SDR9C7: variants seen among roughly 807,000 people sequenced by gnomAD.
SDR9C7 encodes the protein short-chain dehydrogenase/reductase family 9C member 7.
In SDR9C7, 11 loss-of-function variants were observed where a neutral mutation model predicts 23.6. That is an observed-to-expected ratio of 0.47 (90% CI 0.29 to 0.77). The LOEUF (loss-of-function observed/expected upper bound fraction) is 0.77, where lower values mean the gene tolerates loss of function less well. SDR9C7 is among the 30% of genes least tolerant of loss of function. The pLI is 0.09. For missense variants in SDR9C7, 387 were observed against 407.1 expected, an observed-to-expected ratio of 0.95 and a Z score of 0.42; for synonymous variants, 167 against 157.3, an observed-to-expected ratio of 1.06 and a Z score of -0.46.
At chr12:56,929,682 T>G in intron 2 of SDR9C7, 129 bp from the exon 3 acceptor site, 1 of 1,106,154 alleles carries the variant, frequency 9.0e-7, no homozygotes, top group Non-Finnish European at 1.3e-6. Flanking sequence ...GCCCTGGCAT[T>G]GCCTTTGTGC....
intron 3 of SDR9C7, 149 bp from the exon 4 acceptor site, chr12:56,924,199 A>G: frequency 1.7e-6 from 1 of 596,712 alleles, no homozygotes; most frequent in Non-Finnish European, 3.0e-6. Context: ...CCCTTATACA[A>G]ACACACATTT....
At position 56,929,559 on chromosome 12, in the gene SDR9C7, A is replaced by G. The variant is rs373421696; in HGVS notation, c.561-6T>C. On this transcript the variant is annotated splice_polypyrimidine_tract_variant and splice_region_variant and intron_variant, in intron 2 of 3. Transcript: ENST00000293502. The stretch of plus-strand genomic sequence containing the variant: ...CAAAGTAGTAGAGCTCACGCCTGGG[A>G]AAGAAGAGTTGCAGTCAGTCTGGGC... The G allele has an allele frequency of 1.3e-6, 2 of 1,593,806 alleles. No individual in the cohort carries two copies. Among genetic ancestry groups the G allele is most frequent in the African/African-American group, 2.7e-5 (2 of 74,590 alleles).
At chr12:56,929,694 A>G in intron 2 of SDR9C7, 141 bp from the exon 3 acceptor site, 1 of 1,007,388 alleles carries the variant, frequency 9.9e-7, no homozygotes, top group Non-Finnish European at 1.4e-6. Context: ...CCTTTGTGCA[A>G]ATAAGCCCTT....
intron 3 of SDR9C7, among the ~76,000 whole-genome samples, chr12:56,928,128 C>A (rs1246094947): frequency 1.3e-5 from 2 of 152,172 alleles, no homozygotes; most frequent in African/African-American, 4.8e-5. Context: ...AAAGCTAACA[C>A]TCACCCTTGA....
Position 56,929,456 on chromosome 12 carries a change from G to T in SDR9C7, c.658C>A (p.Arg220=), listed in dbSNP as rs774363396. The T allele has an allele frequency of 1.9e-6, 3 of 1,613,756 alleles. No individual in the cohort carries two copies. Among genetic ancestry groups the T allele is most frequent in the East Asian group, 4.5e-5 (2 of 44,860 alleles). ...LGKENLESRM[R]KLWERLPQET... Reference sequence around the variant, plus strand: ...TGAGGCAGCCTCTCCCAAAGCTTTCGCATGCGTGACTCCAGGTTCTCCTTG... The same window carrying T: ...TGAGGCAGCCTCTCCCAAAGCTTTCTCATGCGTGACTCCAGGTTCTCCTTG... Residue 220 remains arginine (R), a synonymous_variant, in exon 3 of 4, where the codon CGA becomes AGA. Transcript: ENST00000293502.
chr12:56,923,839 A>G lies in SDR9C7; in HGVS notation c.936T>C (p.Ser312=), dbSNP rs532125456. 1.7e-5 allele frequency: 28 copies of G among 1,602,990 alleles called. No individual in the cohort carries two copies. Among genetic ancestry groups the G allele is most frequent in the Non-Finnish European group, 2.3e-5 (27 of 1,173,346 alleles). The change falls in exon 4 of 4, where the codon AGT becomes AGC. Residue 312 remains serine (S), a synonymous_variant. Coordinates refer to ENST00000293502, the MANE Select transcript of SDR9C7 (RefSeq NM_148897.3). The part of the protein sequence containing the change: ...LSRYLPRPAD[S]V ...CCCATTGATCCTCCCCAGTTTAGAC[A>G]CTGTCCGCTGGCCTTGGAAGGTACC...
chr12:56,928,301 C>T (rs774110005), intron 3 of SDR9C7, among the ~76,000 whole-genome samples: 8 of 152,128 alleles, frequency 5.3e-5, no homozygotes, highest in African/African-American at 9.7e-5. Flanking sequence ...AAAGTCCCTA[C>T]GCATCCCCTC....
chr12:56,923,287 T>C lies in SDR9C7; in HGVS notation c.*546A>G, dbSNP rs1205235124. On this transcript the variant is annotated 3_prime_UTR_variant, in exon 4 of 4. Transcript: ENST00000293502. ...ATTTCATGTGGATCCCAATAACCTA[T>C]AGATAGAAGAATCTAAAAAGAAAGA... The C allele has an allele frequency of 6.6e-6, 1 of 152,406 alleles. No homozygotes were observed. The highest frequency in any genetic ancestry group is 1.9e-4 in the East Asian group (1 of 5,206). The allele number at this position is 152,406 out of a possible 1,614,324, so 9.4% of individuals were successfully genotyped here. A position where few individuals can be genotyped will look rare whatever the true frequency, so the allele number is the denominator to read the frequency against.
At chr12:56,927,448 C>G (rs1955741572) in intron 3 of SDR9C7, among the ~76,000 whole-genome samples, 1 of 152,352 alleles carries the variant, frequency 6.6e-6, no homozygotes, top group Non-Finnish European at 1.5e-5. Flanking sequence ...AACATCTTCT[C>G]TCCTTGTTCC....
intron 1 of SDR9C7, among the ~76,000 whole-genome samples, chr12:56,932,758 A>G (rs1420972148): frequency 2.0e-5 from 3 of 152,206 alleles, no homozygotes; most frequent in Admixed American, 1.3e-4. Context: ...GATGTACAGT[A>G]AATAAAAGGG....
chr12:56,930,536 C>G, intron 1 of SDR9C7, 52 bp from the exon 2 acceptor site: 1 of 1,593,572 alleles, frequency 6.3e-7, no homozygotes. Context: ...GGGAAAGAAC[C>G]AAGTTCTGCT....
At chr12:56,925,195 T>C (rs966849154) in intron 3 of SDR9C7, among the ~76,000 whole-genome samples, 3 of 152,184 alleles carry the variant, frequency 2.0e-5, no homozygotes, top group African/African-American at 7.2e-5. Context: ...GGAGTTGTTC[T>C]GTTTGCATTG....
At chr12:56,925,401 C>T (rs1309144641) in intron 3 of SDR9C7, among the ~76,000 whole-genome samples, 1 of 152,120 alleles carries the variant, frequency 6.6e-6, no homozygotes, top group East Asian at 1.9e-4. Context: ...GTCAGACTGC[C>T]CTGATAAGGT....
chr12:56,933,159 C>G (rs1008446821), intron 1 of SDR9C7, among the ~76,000 whole-genome samples: 4 of 152,162 alleles, frequency 2.6e-5, no homozygotes, highest in African/African-American at 9.7e-5. Flanking sequence ...AAATCAACAC[C>G]CACCATGATG....
At chr12:56,929,319 G>A (rs897187972) in intron 3 of SDR9C7, 71 bp downstream of exon 3, 45 of 1,483,418 alleles carry the variant, frequency 3.0e-5, no homozygotes, top group East Asian at 2.3e-5. Flanking sequence ...ATCTGTAAAC[G>A]GAAAGCCAGC....
intron 2 of SDR9C7, among the ~76,000 whole-genome samples, chr12:56,930,005 G>A (rs979209651): frequency 5.3e-5 from 8 of 152,148 alleles, no homozygotes; most frequent in Admixed American, 1.3e-4. Flanking sequence ...CCCTGGTGCC[G>A]CTCAAGGGAA....
intron 1 of SDR9C7, among the ~76,000 whole-genome samples, chr12:56,930,969 C>T (rs1396264976): frequency 1.3e-5 from 2 of 152,172 alleles, no homozygotes; most frequent in Non-Finnish European, 2.9e-5. Context: ...CAGTGACTCA[C>T]ACTTGTAATC....
intron 2 of SDR9C7, 51 bp from the exon 3 acceptor site, chr12:56,929,604 C>A: frequency 6.3e-7 from 1 of 1,578,452 alleles, no homozygotes; most frequent in Non-Finnish European, 8.7e-7. Flanking sequence ...ACAATCATCA[C>A]GGAGAGTCAC....
intron 1 of SDR9C7, among the ~76,000 whole-genome samples, chr12:56,932,698 CTATT>C (rs1955775356): frequency 6.6e-6 from 1 of 152,176 alleles, no homozygotes; most frequent in Non-Finnish European, 1.5e-5. Flanking sequence ...TCACTCAAAT[CTATT>C]TATTCAGTAC....
Sources: gnomAD v4.1 joint callset for allele counts (sites outside exome capture counted in the v4.1 genomes callset) on GRCh38, gnomAD v4.1.1 for gene constraint, MANE v1.5 for transcripts, NCBI Gene and HGNC (gene_info 2026-07-23, HGNC 2026-07-21) for gene names.